FAR2: variants seen among roughly 807,000 people sequenced by gnomAD.
FAR2 encodes the protein fatty acyl-CoA reductase 2.
Under a neutral mutation model 56.0 loss-of-function variants are expected in FAR2, and 19 were observed. The ratio of observed to expected loss-of-function variants is 0.34; its 90% CI spans 0.24 to 0.50. FAR2 has a LOEUF of 0.50. Among genes scored for constraint, FAR2 ranks in the 20% least tolerant of loss-of-function variants. The pLI is 0.98. For synonymous variants in FAR2, 219 were observed against 218.8 expected (o/e 1.00, Z -0.01); for missense variants, 508 against 642.2 (o/e 0.79, Z 2.26).
At chr12:29,244,935 C>T (rs1296638689) in intron 1 of FAR2, among the ~76,000 whole-genome samples, 4 of 151,818 alleles carry the variant, frequency 2.6e-5, no homozygotes, top group African/African-American at 9.7e-5. Context: ...CCATCCCTTC[C>T]ATTCCAGCCT....
chr12:29,188,783 T>C (rs1014982540), intron 1 of FAR2, among the ~76,000 whole-genome samples: 1 of 151,994 alleles, frequency 6.6e-6, no homozygotes, highest in African/African-American at 2.4e-5. Flanking sequence ...TTTTTGTTTT[T>C]TTTTTTTCAT....
At chr12:29,231,585 T>C (rs1007214531) in intron 1 of FAR2, among the ~76,000 whole-genome samples, 3 of 152,068 alleles carry the variant, frequency 2.0e-5, no homozygotes, top group Admixed American at 1.3e-4. Flanking sequence ...GAAAAAATAG[T>C]TTTTAGAAGG....
chr12:29,174,553 T>C (rs536309057), intron 1 of FAR2, among the ~76,000 whole-genome samples: 249 of 145,938 alleles, frequency 1.7e-3, no homozygotes, highest in Admixed American at 3.4e-3. Context: ...CCCAAGTAGC[T>C]GGCACTACAG....
At chr12:29,253,249 C>CTATATCTATATCTATATCTATCTA (rs1212040020) in intron 1 of FAR2, among the ~76,000 whole-genome samples, 1 of 114,478 alleles carries the variant, frequency 8.7e-6, no homozygotes, top group African/African-American at 4.3e-5. Context: ...ATCTATATAT[C>CTATATCTATATCTATATCTATCTA]GATATCTATC....
chr12:29,264,528 A>T lies in FAR2; in HGVS notation c.-38-5884A>T, dbSNP rs144431700. On this transcript the variant is annotated intron_variant, in intron 1 of 11. Transcript: ENST00000536681. ...ATTGGCTCTTGCCTGTAATCCTAGC[A>T]CTTTGGGAGGTCAAGGTGGGAGCAT... Among the ~76,000 whole-genome samples, 24 of 152,008 alleles carry T rather than the reference A, an allele frequency of 1.6e-4. No homozygotes were observed. The East Asian group carries it at 4.1e-3, about 26-fold the overall frequency.
chr12:29,184,831 A>G (rs1950025137), intron 1 of FAR2, among the ~76,000 whole-genome samples: 2 of 152,190 alleles, frequency 1.3e-5, no homozygotes, highest in African/African-American at 4.8e-5. Flanking sequence ...TGTGAGGCTT[A>G]GTTAAATCTC....
intron 1 of FAR2, among the ~76,000 whole-genome samples, chr12:29,234,056 T>G (rs539057670): frequency 3.6e-4 from 55 of 152,292 alleles, no homozygotes; most frequent in Middle Eastern, 6.8e-3. Context: ...CTTTCTCCTC[T>G]ATGTTCAGTC....
chr12:29,292,321 A>G (rs1487607119), intron 2 of FAR2: 5 of 152,200 alleles, frequency 3.3e-5, no homozygotes, highest in African/African-American at 9.7e-5. Context: ...GAAAGAGTCC[A>G]CAGAACCCTA....
intron 1 of FAR2, among the ~76,000 whole-genome samples, chr12:29,200,605 T>G (rs1401940312): frequency 1.3e-5 from 2 of 152,220 alleles, no homozygotes; most frequent in East Asian, 3.8e-4. Context: ...CAAATCTTGT[T>G]GGAAGGCTGA....
At chr12:29,277,100 C>T (rs1948712678) in intron 2 of FAR2, among the ~76,000 whole-genome samples, 1 of 152,152 alleles carries the variant, frequency 6.6e-6, no homozygotes, top group Non-Finnish European at 1.5e-5. Flanking sequence ...GCCTCAGCCT[C>T]CCGAGTAGCT....
intron 1 of FAR2, among the ~76,000 whole-genome samples, chr12:29,187,894 T>G (rs1480590222): frequency 6.6e-6 from 1 of 152,224 alleles, no homozygotes; most frequent in Non-Finnish European, 1.5e-5. Flanking sequence ...CTGGGACTGA[T>G]TGTGTTCCAA....
chr12:29,186,168 TA>T (rs1001246809), intron 1 of FAR2, among the ~76,000 whole-genome samples: 7 of 152,232 alleles, frequency 4.6e-5, no homozygotes, highest in Admixed American at 6.5e-5. Context: ...ATTAATGAGA[TA>T]TTTTTTGTGC....
Position 29,333,697 on chromosome 12 carries a change from C to A in FAR2, c.1451C>A (p.Ala484Glu). Residue 484 changes from alanine (A) to glutamate (E), a missense_variant, in exon 12 of 12, where the codon GCA (alanine) becomes GAA (glutamate). Coordinates refer to ENST00000536681, the MANE Select transcript of FAR2 (RefSeq NM_001271783.2). ...CTTATCGCCTGGCGCCTTCTCATTG[C>A]AAGATCTCAGATGGCTCGGAATGTC... Reference protein sequence around the residue: ...LFLIAWRLLIARSQMARNVWF... With the variant: ...LFLIAWRLLIERSQMARNVWF... 6.2e-7 allele frequency: 1 copy of A among 1,613,876 alleles called. No individual in the cohort carries two copies. Among genetic ancestry groups the A allele is most frequent in the Non-Finnish European group, 8.5e-7 (1 of 1,179,766 alleles).
chr12:29,230,338 G>A (rs755043746), intron 1 of FAR2, among the ~76,000 whole-genome samples: 2 of 151,984 alleles, frequency 1.3e-5, no homozygotes, highest in Non-Finnish European at 2.9e-5. Context: ...GGTAGGGGGA[G>A]GAGTGAGGGC....
chr12:29,257,382 C>A (rs1378649617), intron 1 of FAR2, among the ~76,000 whole-genome samples: 2 of 152,302 alleles, frequency 1.3e-5, no homozygotes, highest in African/African-American at 4.8e-5. Flanking sequence ...CCAATCAGCG[C>A]CCTGTCAAAA....
intron 1 of FAR2, among the ~76,000 whole-genome samples, chr12:29,169,382 ACCTGTAGCTCGATGG>A (rs990077898): frequency 2.7e-4 from 41 of 152,286 alleles, no homozygotes; most frequent in Non-Finnish European, 5.7e-4. Flanking sequence ...TTGTAAGACC[ACCTGTAGCTCGATGG>A]CCTTGATCCT....
chr12:29,281,469 T>A (rs1303161619), intron 2 of FAR2: 1 of 152,184 alleles, frequency 6.6e-6, no homozygotes, highest in Non-Finnish European at 1.5e-5. Flanking sequence ...TTATTTCTTA[T>A]TCCCTGGCTG....
intron 4 of FAR2, among the ~76,000 whole-genome samples, chr12:29,303,250 A>G (rs4500522): frequency 2.0e-5 from 3 of 152,138 alleles, no homozygotes; most frequent in African/African-American, 7.2e-5. Context: ...AGGAATCTGG[A>G]TTTTTCCCAG....
At chr12:29,165,854 GA>G (rs1034457287) in intron 1 of FAR2, among the ~76,000 whole-genome samples, 6 of 151,796 alleles carry the variant, frequency 4.0e-5, no homozygotes, top group Non-Finnish European at 5.9e-5. Context: ...TGGTAATTAA[GA>G]AAAAAAATAT....
Sources: allele counts gnomAD v4.1 joint callset (sites outside exome capture counted in the v4.1 genomes callset), GRCh38; gene constraint gnomAD v4.1.1; transcripts MANE v1.5; gene names NCBI Gene and HGNC (gene_info 2026-07-23, HGNC 2026-07-21).